Variants in SGMS1 observed in about 807,000 individuals in gnomAD.
The protein encoded by SGMS1 is sphingomyelin synthase 1.
In SGMS1, 13 loss-of-function variants were observed where a neutral mutation model predicts 46.2. The observed-to-expected ratio is 0.28, with a 90% CI of 0.18 to 0.45. The LOEUF (loss-of-function observed/expected upper bound fraction) is 0.45, where lower values mean the gene tolerates loss of function less well. SGMS1 is among the 20% of genes least tolerant of loss of function. The pLI is 1.00. For synonymous variants in SGMS1, 203 were observed against 187.8 expected, an observed-to-expected ratio of 1.08 and a Z score of -0.66; for missense variants, 324 against 519.9, an observed-to-expected ratio of 0.62 and a Z score of 3.66.
chr10:50,582,775 T>C (rs572141157), intron 2 of SGMS1, among the ~76,000 whole-genome samples: 1 of 152,396 alleles, frequency 6.6e-6, no homozygotes, highest in African/African-American at 2.4e-5. Flanking sequence ...ACAGGTACTT[T>C]AATCCAGGCC....
chr10:50,320,146 C>T (rs115930218), intron 8 of SGMS1, among the ~76,000 whole-genome samples: 2,129 of 152,236 alleles, frequency 0.014, 42 homozygotes, highest in African/African-American at 0.048. Context: ...CCATGTGGAT[C>T]ATCTTTCTCA....
At chr10:50,534,261 G>A (rs1837980203) in intron 2 of SGMS1, among the ~76,000 whole-genome samples, 1 of 152,078 alleles carries the variant, frequency 6.6e-6, no homozygotes, top group African/African-American at 2.4e-5. Context: ...AAATTTTTGA[G>A]ATGTATTCAT....
At chr10:50,336,341 G>A (rs115449662) in intron 7 of SGMS1, among the ~76,000 whole-genome samples, 10 of 152,318 alleles carry the variant, frequency 6.6e-5, no homozygotes, top group African/African-American at 2.2e-4. Flanking sequence ...GAATAAGGTT[G>A]GGCATGCCTA....
chr10:50,513,356 C>G (rs1310636408), intron 3 of SGMS1, among the ~76,000 whole-genome samples: 1 of 152,164 alleles, frequency 6.6e-6, no homozygotes, highest in Non-Finnish European at 1.5e-5. Flanking sequence ...ACTGGTGCAG[C>G]CCTCTGGCCA....
chr10:50,308,070 G>A lies in SGMS1; in HGVS notation c.974C>T (p.Ala325Val), dbSNP rs1458198286. Residue 325 changes from alanine to valine, a missense_variant, in exon 10 of 11, where the codon GCG becomes GTG. Coordinates refer to ENST00000361781, the MANE Select transcript of SGMS1 (RefSeq NM_147156.4). ...SVVGIFCILLAHDHYTVDVVV... is the reference protein window; with the variant it reads ...SVVGIFCILLVHDHYTVDVVV... The stretch of plus-strand genomic sequence containing the variant: ...CACGTCCACAGTGTAGTGGTCATGC[G>A]CTAAGAGAATACAGAAGATTCCAAC... 1 of 1,613,844 alleles carries A rather than the reference G, an allele frequency of 6.2e-7. No homozygotes were observed. The highest frequency in any genetic ancestry group is 8.5e-7 in the Non-Finnish European group (1 of 1,179,906).
intron 2 of SGMS1, among the ~76,000 whole-genome samples, chr10:50,544,339 C>A (rs1339420993): frequency 2.6e-5 from 4 of 152,166 alleles, no homozygotes; most frequent in African/African-American, 7.2e-5. Context: ...TTACAGACAC[C>A]ATGACAAATA....
intron 8 of SGMS1, among the ~76,000 whole-genome samples, chr10:50,321,658 C>T (rs1020087637): frequency 6.6e-6 from 1 of 152,168 alleles, no homozygotes; most frequent in African/African-American, 2.4e-5. Flanking sequence ...AGTTGCACAC[C>T]ATCCAACAGG....
intron 2 of SGMS1, among the ~76,000 whole-genome samples, chr10:50,570,156 GA>G (rs1838324789): frequency 6.6e-6 from 1 of 152,196 alleles, no homozygotes; most frequent in Non-Finnish European, 1.5e-5. Context: ...TGGAAAAATA[GA>G]AGGTATTAGC....
rs148455923 is a variant in SGMS1, at chr10:50,351,080, A to AT, written c.-231-6736dup. On this transcript the variant is annotated intron_variant, in intron 6 of 10. Transcript: ENST00000361781. ...CAAAGGGGTGGGGCTGCTCAAGACC[A>AT]TAGGAACACACCTTTTGCATCAGTG... is the stretch of plus-strand genomic sequence containing the variant. Among the ~76,000 whole-genome samples, 1,474 of 152,296 alleles carry AT rather than the reference A, an allele frequency of 9.7e-3. 20 individuals are homozygous for AT. The highest frequency in any genetic ancestry group is 0.033 in the African/African-American group (1,363 of 41,552).
intron 3 of SGMS1, among the ~76,000 whole-genome samples, chr10:50,504,674 C>T (rs964972485): frequency 6.6e-6 from 1 of 152,098 alleles, no homozygotes; most frequent in East Asian, 1.9e-4. Context: ...TATACACAGC[C>T]TCCTATACAA....
At chr10:50,605,477 A>AGC (rs1838686524) in intron 1 of SGMS1, among the ~76,000 whole-genome samples, 2 of 152,252 alleles carry the variant, frequency 1.3e-5, no homozygotes, top group Non-Finnish European at 2.9e-5. Flanking sequence ...CTGACAAGTA[A>AGC]GAGCTATCAG....
At chr10:50,487,985 T>TTTTATTTTATTTATTTA (rs1554943919) in intron 3 of SGMS1, among the ~76,000 whole-genome samples, 1 of 138,990 alleles carries the variant, frequency 7.2e-6, no homozygotes, top group Non-Finnish European at 1.6e-5. Flanking sequence ...TTTGTTTTTA[T>TTTTATTTTATTTATTTA]TTTATTTATT....
intron 6 of SGMS1, among the ~76,000 whole-genome samples, chr10:50,356,958 C>T (rs1848162666): frequency 6.6e-6 from 1 of 151,830 alleles, no homozygotes. Context: ...AGGAGATATA[C>T]CTAATGCTAA....
intron 7 of SGMS1, chr10:50,335,628 G>C (rs1454757294): frequency 6.6e-6 from 1 of 152,166 alleles, no homozygotes; most frequent in East Asian, 1.9e-4. Context: ...GTGGGACACA[G>C]ATGTGGTGAC....
In SGMS1 at chr10:50,414,083, T is replaced by C. The variant is rs557395293; in HGVS notation, c.-232+19393A>G. Among the ~76,000 whole-genome samples the C allele has an allele frequency of 2.6e-5, 4 of 152,316 alleles. No individual in the cohort carries two copies. The East Asian group carries it at 5.8e-4, about 22-fold the overall frequency. On this transcript the variant is annotated intron_variant, in intron 6 of 10. Transcript: ENST00000361781. ...TATTGTTTTTGGACCACTGTTCAAA[T>C]AACAGTTACTAGACACTCTCCAAAA...
At chr10:50,536,728 A>G (rs1838005435) in intron 2 of SGMS1, among the ~76,000 whole-genome samples, 1 of 152,198 alleles carries the variant, frequency 6.6e-6, no homozygotes, top group South Asian at 2.1e-4. Flanking sequence ...CATGTTTTTC[A>G]TACATTTTGT....
chr10:50,438,379 G>A (rs1329527265), intron 5 of SGMS1, among the ~76,000 whole-genome samples: 1 of 152,198 alleles, frequency 6.6e-6, no homozygotes, highest in Non-Finnish European at 1.5e-5. Context: ...CCTACTGAGA[G>A]AGCCCCATGA....
intron 5 of SGMS1, among the ~76,000 whole-genome samples, chr10:50,442,280 G>A (rs985705056): frequency 4.6e-5 from 7 of 150,572 alleles, no homozygotes; most frequent in South Asian, 4.2e-4. Flanking sequence ...AGATTATTTC[G>A]TCACCCAAGT....
chr10:50,435,246 CAAT>C (rs1202455672), intron 5 of SGMS1, among the ~76,000 whole-genome samples: 1 of 152,140 alleles, frequency 6.6e-6, no homozygotes, highest in African/African-American at 2.4e-5. Flanking sequence ...AAAATACATA[CAAT>C]AATACATACC....
Sources: allele counts gnomAD v4.1 joint callset (sites outside exome capture counted in the v4.1 genomes callset), GRCh38; gene constraint gnomAD v4.1.1; transcripts MANE v1.5; gene names NCBI Gene and HGNC (gene_info 2026-07-23, HGNC 2026-07-21).